PCDH15: variants seen among roughly 807,000 people sequenced by gnomAD.
PCDH15 encodes protocadherin related 15.
In PCDH15, 129 loss-of-function variants were observed where a neutral mutation model predicts 178.5. The observed-to-expected ratio is 0.72, with a 90% confidence interval of 0.63 to 0.84. PCDH15 has a LOEUF of 0.84. Ranked by LOEUF, PCDH15 falls within the 40% of genes least tolerant of loss-of-function variation. PCDH15 has a pLI of 0.00. For missense variants in PCDH15, 2,230 were observed against 2,099.9 expected, an observed-to-expected ratio of 1.06 and a Z score of -1.21; for synonymous variants, 800 against 732.0, an observed-to-expected ratio of 1.09 and a Z score of -1.50.
At chr10:55,206,600 T>C (rs1288732081) in intron 1 of PCDH15, among the ~76,000 whole-genome samples, 2 of 152,138 alleles carry the variant, frequency 1.3e-5, no homozygotes, top group African/African-American at 2.4e-5. Context: ...CTCTTCACAA[T>C]TAACATCACA....
intron 5 of PCDH15, among the ~76,000 whole-genome samples, chr10:54,367,531 C>A (rs896836550): frequency 6.6e-6 from 1 of 151,814 alleles, no homozygotes; most frequent in East Asian, 1.9e-4. Context: ...GGCTGGAAAC[C>A]GTCATTCTCA....
chr10:55,352,545 G>A (rs143982463), intron 2 of PCDH15, among the ~76,000 whole-genome samples: 1 of 152,218 alleles, frequency 6.6e-6, no homozygotes, highest in Admixed American at 6.5e-5. Context: ...TACAAGAGAA[G>A]TTGCCAAAGA....
intron 2 of PCDH15, among the ~76,000 whole-genome samples, chr10:55,567,391 C>T (rs1430007998): frequency 1.3e-5 from 2 of 148,676 alleles, no homozygotes; most frequent in Non-Finnish European, 3.0e-5. Flanking sequence ...ACCTGACATT[C>T]ACAAAACAAA....
At chr10:54,982,898 C>A (rs1839274815) in intron 2 of PCDH15, among the ~76,000 whole-genome samples, 1 of 151,964 alleles carries the variant, frequency 6.6e-6, no homozygotes, top group Admixed American at 6.6e-5. Flanking sequence ...TTCACAAAAC[C>A]CCTGGAGCTA....
chr10:54,888,072 G>A (rs908022033), intron 3 of PCDH15, among the ~76,000 whole-genome samples: 1 of 152,086 alleles, frequency 6.6e-6, no homozygotes, highest in Non-Finnish European at 1.5e-5. Flanking sequence ...CACATGTAAA[G>A]CATACAATTT....
intron 2 of PCDH15, among the ~76,000 whole-genome samples, chr10:54,996,837 G>A (rs1194702134): frequency 2.6e-5 from 4 of 152,042 alleles, no homozygotes; most frequent in South Asian, 4.1e-4. Flanking sequence ...CTGGCTGGGC[G>A]CGGTGGCTCA....
Position 54,255,861 on chromosome 10 carries a change from C to T in PCDH15, c.877-18930G>A, listed in dbSNP as rs147452486. On this transcript the variant is annotated intron_variant, in intron 8 of 37. Transcript: ENST00000644397. Reference sequence around the variant, plus strand: ...GAATTACCAGGCATCTATGAAAATGCGACCTAGAACACCAGTTGCCCTAGA... The same window carrying T: ...GAATTACCAGGCATCTATGAAAATGTGACCTAGAACACCAGTTGCCCTAGA... 3.8e-3 allele frequency among the ~76,000 whole-genome samples: 581 copies of T among 152,196 alleles called. 2 individuals are homozygous for T. The highest frequency in any genetic ancestry group is 0.027 in the Middle Eastern group (8 of 294).
intron 9 of PCDH15, among the ~76,000 whole-genome samples, chr10:54,229,797 C>T (rs1397204116): frequency 1.3e-5 from 2 of 152,178 alleles, no homozygotes; most frequent in Non-Finnish European, 2.9e-5. Context: ...TCTTTATCAG[C>T]AGCATGAAAA....
intron 8 of PCDH15, among the ~76,000 whole-genome samples, chr10:54,292,156 G>C (rs960666471): frequency 1.3e-5 from 2 of 152,158 alleles, no homozygotes; most frequent in African/African-American, 4.8e-5. Flanking sequence ...GGGATGCAAG[G>C]CTGGTTCAAC....
At chr10:55,582,628 A>ATATATATTTT (rs780312007) in intron 2 of PCDH15, among the ~76,000 whole-genome samples, 12 of 69,018 alleles carry the variant, frequency 1.7e-4, no homozygotes, top group African/African-American at 7.3e-4. Flanking sequence ...ATATATATAT[A>ATATATATTTT]TTTTTTTTTT....
intron 2 of PCDH15, among the ~76,000 whole-genome samples, chr10:55,341,758 T>C (rs1844563871): frequency 1.1e-5 from 1 of 93,068 alleles, no homozygotes; most frequent in Admixed American, 1.3e-4. Flanking sequence ...TATACATACA[T>C]ATGCATATAT....
intron 3 of PCDH15, among the ~76,000 whole-genome samples, chr10:54,516,058 A>T (rs1348425241): frequency 2.0e-5 from 3 of 152,230 alleles, no homozygotes; most frequent in Admixed American, 6.5e-5. Context: ...AAAACAGAGC[A>T]GAAAAACTGG....
intron 2 of PCDH15, among the ~76,000 whole-genome samples, chr10:55,432,233 G>T (rs559782565): frequency 6.6e-6 from 1 of 152,132 alleles, no homozygotes; most frequent in African/African-American, 2.4e-5. Context: ...CAGAATTACA[G>T]ATAAATGTTC....
intron 2 of PCDH15, among the ~76,000 whole-genome samples, chr10:55,353,805 G>C (rs945143158): frequency 6.6e-6 from 1 of 152,008 alleles, no homozygotes; most frequent in African/African-American, 2.4e-5. Context: ...AAATATCTAC[G>C]ATTGCAGGAG....
At chr10:54,747,582 C>A (rs1945628165) in intron 1 of PCDH15, among the ~76,000 whole-genome samples, 1 of 152,094 alleles carries the variant, frequency 6.6e-6, no homozygotes, top group Non-Finnish European at 1.5e-5. Flanking sequence ...CAGCATTAAC[C>A]TGCATTTCCA....
rs764047775 is a variant in PCDH15 at position 54,147,827 on chromosome 10, A to AT, written c.1784+5272_1784+5273insA. ...GTTTTCCTCCACAACAGTAACTACAAAGATTATAGATATGAAACAGTGGAG... is the reference window on the plus strand; with the variant it reads ...GTTTTCCTCCACAACAGTAACTACAATAGATTATAGATATGAAACAGTGGAG... On this transcript the variant is annotated intron_variant, in intron 14 of 37. Transcript: ENST00000644397. Among the ~76,000 whole-genome samples, 721 of 152,086 alleles carry AT rather than the reference A, an allele frequency of 4.7e-3. 18 individuals carry two copies. In the East Asian group the frequency reaches 0.094, roughly 20 times the overall value.
intron 12 of PCDH15, 140 bp from the exon 13 acceptor site, chr10:54,183,733 A>C: frequency 2.2e-6 from 2 of 902,488 alleles, no homozygotes; most frequent in Non-Finnish European, 3.5e-6. Flanking sequence ...TGATAAAAGG[A>C]CGTAATAGAG....
intron 2 of PCDH15, among the ~76,000 whole-genome samples, chr10:55,482,048 C>T (rs1009411765): frequency 6.6e-6 from 1 of 151,828 alleles, no homozygotes; most frequent in Admixed American, 6.6e-5. Flanking sequence ...GATAGTAAAT[C>T]TTCTTGGTGA....
At chr10:54,427,079 C>T (rs1369033045) in intron 3 of PCDH15, among the ~76,000 whole-genome samples, 1 of 151,358 alleles carries the variant, frequency 6.6e-6, no homozygotes. Context: ...ATCAAATTAC[C>T]ATTTTTGTGA....
Sources: gnomAD v4.1 joint callset for allele counts (sites outside exome capture counted in the v4.1 genomes callset) on GRCh38, gnomAD v4.1.1 for gene constraint, MANE v1.5 for transcripts, NCBI Gene and HGNC (gene_info 2026-07-23, HGNC 2026-07-21) for gene names.